Variants in ADAMTS18 observed in about 807,000 individuals in gnomAD.
The protein encoded by ADAMTS18 is A disintegrin and metalloproteinase with thrombospondin motifs 18.
Under a neutral mutation model 165.9 loss-of-function variants are expected in ADAMTS18, and 157 were observed. The observed-to-expected ratio is 0.95, with a 90% CI of 0.83 to 1.08. ADAMTS18 has a LOEUF of 1.08. Among genes scored for constraint, ADAMTS18 ranks in the 50% least tolerant of loss-of-function variants. The probability of loss-of-function intolerance (pLI) is 0.00; values close to 1 mark genes in which losing one functional copy is unlikely to be tolerated. For missense variants in ADAMTS18, 2,040 were observed against 1,534.0 expected (o/e 1.33, Z -5.51); for synonymous variants, 782 against 578.2 (o/e 1.35, Z -5.06).
intron 18 of ADAMTS18, 93 bp from the exon 19 acceptor site, chr16:77,295,220 C>T (rs547732535): frequency 7.6e-7 from 1 of 1,310,566 alleles, no homozygotes; most frequent in South Asian, 1.2e-5. Context: ...CCTATGGAAG[C>T]CATGAATCAA....
chr16:77,299,128 G>A (rs577376484), intron 17 of ADAMTS18, among the ~76,000 whole-genome samples: 14 of 152,332 alleles, frequency 9.2e-5, no homozygotes, highest in Non-Finnish European at 1.5e-4. Flanking sequence ...GTGACTAAAT[G>A]AAACAGTGTG....
In ADAMTS18 at chr16:77,415,725, CAAAAAAA is replaced by C. The variant is rs71137817; in HGVS notation, c.495+15563_495+15569del. Among the ~76,000 whole-genome samples, 9 of 102,000 alleles carry C rather than the reference CAAAAAAA, an allele frequency of 8.8e-5. 1 individual carries two copies. The highest frequency in any genetic ancestry group is 3.0e-4 in the African/African-American group (8 of 26,356). 66.9% of individuals were successfully genotyped at this position (102,000 alleles called of 152,430 possible). ...ACTGGAGTAATGAATGCTGGGTAGGCAAAAAAAAAAAAAAAAATCAGAGGTGGCCACT... is the reference window on the plus strand; with the variant it reads ...ACTGGAGTAATGAATGCTGGGTAGGCAAAAAAAAAATCAGAGGTGGCCACT... On this transcript the variant is annotated intron_variant, in intron 3 of 22. Coordinates refer to ENST00000282849, the MANE Select transcript of ADAMTS18 (RefSeq NM_199355.4).
chr16:77,348,464 C>A (rs377760182), intron 10 of ADAMTS18, among the ~76,000 whole-genome samples: 2 of 152,180 alleles, frequency 1.3e-5, no homozygotes, highest in Non-Finnish European at 2.9e-5. Context: ...GTGCATCCTG[C>A]AGACAGGCAG....
At chr16:77,340,885 G>C (rs2056387798) in intron 11 of ADAMTS18, among the ~76,000 whole-genome samples, 1 of 152,070 alleles carries the variant, frequency 6.6e-6, no homozygotes, top group Admixed American at 6.6e-5. Flanking sequence ...AACTTTAAAG[G>C]ACCAATGACC....
intron 12 of ADAMTS18, among the ~76,000 whole-genome samples, chr16:77,331,680 A>AGAGT (rs1026890478): frequency 1.1e-4 from 16 of 152,116 alleles, no homozygotes; most frequent in African/African-American, 3.4e-4. Flanking sequence ...GGTGGGAAGA[A>AGAGT]GAGTGCATCC....
chr16:77,330,253 T>C (rs960244288), intron 12 of ADAMTS18, among the ~76,000 whole-genome samples: 1 of 152,224 alleles, frequency 6.6e-6, no homozygotes, highest in Non-Finnish European at 1.5e-5. Flanking sequence ...CTTTCTCAAA[T>C]AGACTCAGGT....
At chr16:77,416,625 T>G (rs983150773) in intron 3 of ADAMTS18, among the ~76,000 whole-genome samples, 5 of 152,192 alleles carry the variant, frequency 3.3e-5, no homozygotes, top group Non-Finnish European at 7.3e-5. Flanking sequence ...TCCAGGCATC[T>G]GGAACTGTGA....
intron 6 of ADAMTS18, among the ~76,000 whole-genome samples, chr16:77,363,101 T>C (rs770248004): frequency 3.3e-5 from 5 of 152,178 alleles, no homozygotes; most frequent in Non-Finnish European, 7.3e-5. Flanking sequence ...CTCGGGGGAC[T>C]TAAAAAATAG....
intron 3 of ADAMTS18, among the ~76,000 whole-genome samples, chr16:77,428,623 C>T (rs2057701992): frequency 6.6e-6 from 1 of 152,094 alleles, no homozygotes; most frequent in Admixed American, 6.6e-5. Flanking sequence ...TGTCAGTACT[C>T]ATTAAAGCTG....
chr16:77,332,154 G>C (rs1012530383), intron 12 of ADAMTS18, among the ~76,000 whole-genome samples: 10 of 152,070 alleles, frequency 6.6e-5, no homozygotes, highest in African/African-American at 2.2e-4. Context: ...GAAGTGTTAG[G>C]GTCAGGATGC....
chr16:77,351,064 T>TA (rs562452921), intron 10 of ADAMTS18, among the ~76,000 whole-genome samples: 12 of 152,294 alleles, frequency 7.9e-5, no homozygotes, highest in African/African-American at 2.9e-4. Context: ...ACAGGATGAA[T>TA]AAGAGATTTT....
At chr16:77,376,642 C>G (rs991483852) in intron 3 of ADAMTS18, among the ~76,000 whole-genome samples, 3 of 152,098 alleles carry the variant, frequency 2.0e-5, no homozygotes, top group African/African-American at 7.2e-5. Flanking sequence ...TACAGAAATT[C>G]CATTATGTGA....
chr16:77,434,315 G>A (rs1369239404), intron 2 of ADAMTS18, 103 bp downstream of exon 2: 6 of 1,325,162 alleles, frequency 4.5e-6, no homozygotes, highest in Non-Finnish European at 6.3e-6. Flanking sequence ...GCGCACACCT[G>A]CCAGGTTAGG....
chr16:77,383,762 T>G (rs1465303122), intron 3 of ADAMTS18, among the ~76,000 whole-genome samples: 1 of 152,086 alleles, frequency 6.6e-6, no homozygotes, highest in African/African-American at 2.4e-5. Flanking sequence ...AGGCTGGTCT[T>G]GAACTCCTGA....
At chr16:77,295,363 GA>G (rs1180038869) in intron 18 of ADAMTS18, among the ~76,000 whole-genome samples, 3 of 152,146 alleles carry the variant, frequency 2.0e-5, no homozygotes, top group Non-Finnish European at 2.9e-5. Context: ...GCCTCTGCAT[GA>G]GAAGAAATAC....
At chr16:77,306,064 C>T (rs1016590868) in intron 16 of ADAMTS18, among the ~76,000 whole-genome samples, 5 of 152,094 alleles carry the variant, frequency 3.3e-5, no homozygotes, top group African/African-American at 1.2e-4. Context: ...AACCCCGTGC[C>T]GCATGTCGGA....
chr16:77,348,337 C>T (rs2056507259), intron 10 of ADAMTS18, among the ~76,000 whole-genome samples: 1 of 152,140 alleles, frequency 6.6e-6, no homozygotes, highest in Non-Finnish European at 1.5e-5. Context: ...CCAAATAGGT[C>T]TTCCAACACT....
intron 16 of ADAMTS18, among the ~76,000 whole-genome samples, chr16:77,312,925 C>A (rs924169695): frequency 6.6e-6 from 1 of 152,030 alleles, no homozygotes; most frequent in African/African-American, 2.4e-5. Context: ...ACCATTTGAC[C>A]CCGCAATCCC....
At chr16:77,364,053 G>A in intron 5 of ADAMTS18, 135 bp downstream of exon 5, 1 of 1,288,988 alleles carries the variant, frequency 7.8e-7, no homozygotes, top group East Asian at 2.3e-5. Flanking sequence ...CACATATGTA[G>A]CTATTAAAAG....
Sources: gnomAD v4.1 joint callset for allele counts (sites outside exome capture counted in the v4.1 genomes callset) on GRCh38, gnomAD v4.1.1 for gene constraint, MANE v1.5 for transcripts, NCBI Gene and HGNC (gene_info 2026-07-23, HGNC 2026-07-21) for gene names.